The following PADI6 variants were observed in gnomAD, a reference collection of about 807,000 sequenced individuals.
PADI6 encodes peptidyl arginine deiminase 6, also known as inactive protein-arginine deiminase type-6.
In PADI6, 66 loss-of-function variants were observed where a neutral mutation model predicts 78.2. The observed-to-expected ratio is 0.84, with a 90% CI of 0.69 to 1.04. The LOEUF (loss-of-function observed/expected upper bound fraction) is 1.04, where lower values mean the gene tolerates loss of function less well. PADI6 is among the 50% of genes least tolerant of loss of function. The pLI is 0.00. For synonymous variants in PADI6, 397 were observed against 346.9 expected, an observed-to-expected ratio of 1.14 and a Z score of -1.60; for missense variants, 854 against 866.1, an observed-to-expected ratio of 0.99 and a Z score of 0.18.
intron 8 of PADI6, among the ~76,000 whole-genome samples, chr1:17,390,602 CAA>C (rs11410245): frequency 8.1e-5 from 11 of 135,036 alleles, no homozygotes; most frequent in Non-Finnish European, 1.6e-4. Context: ...GATTCCATCT[CAA>C]AAAAAAAAAA....
At chr1:17,398,231 TAGC>T (rs1180350363) in intron 14 of PADI6, among the ~76,000 whole-genome samples, 1 of 152,198 alleles carries the variant, frequency 6.6e-6, no homozygotes, top group Non-Finnish European at 1.5e-5. Flanking sequence ...CCCCCTGGCA[TAGC>T]AGGGTGGGTG....
intron 8 of PADI6, among the ~76,000 whole-genome samples, chr1:17,390,322 G>A (rs1233557951): frequency 6.6e-6 from 1 of 150,750 alleles, no homozygotes; most frequent in Non-Finnish European, 1.5e-5. Flanking sequence ...TAAAATTGCT[G>A]GGTGTGGTGG....
At chr1:17,375,742 C>T (rs2075009776) in intron 3 of PADI6, among the ~76,000 whole-genome samples, 2 of 152,188 alleles carry the variant, frequency 1.3e-5, no homozygotes, top group Non-Finnish European at 2.9e-5. Flanking sequence ...AGAATAGAAA[C>T]AGCCAGAACT....
intron 3 of PADI6, among the ~76,000 whole-genome samples, chr1:17,378,957 G>A (rs796393156): frequency 2.0e-4 from 27 of 135,738 alleles, no homozygotes; most frequent in Admixed American, 1.6e-3. Flanking sequence ...ATTTTTTTTG[G>A]GGGGGGGGAC....
intron 3 of PADI6, among the ~76,000 whole-genome samples, chr1:17,375,901 A>G (rs1311830376): frequency 6.6e-6 from 1 of 152,098 alleles, no homozygotes; most frequent in Non-Finnish European, 1.5e-5. Context: ...ATTCTTACCA[A>G]TGTAAGAAGC....
chr1:17,390,059 GA>G (rs531846125), intron 8 of PADI6, among the ~76,000 whole-genome samples: 243 of 152,336 alleles, frequency 1.6e-3, no homozygotes, highest in African/African-American at 5.6e-3. Context: ...AGCACTTTGG[GA>G]GGCCGAGGCA....
chr1:17,372,739 G>T (rs1204871), intron 1 of PADI6, among the ~76,000 whole-genome samples: 3 of 151,970 alleles, frequency 2.0e-5, no homozygotes, highest in Admixed American at 2.0e-4. Context: ...TTCCTGAGTC[G>T]CTTGCCCTGA....
chr1:17,388,990 A>C, intron 8 of PADI6, 110 bp downstream of exon 8: 2 of 799,080 alleles, frequency 2.5e-6, no homozygotes, highest in Non-Finnish European at 4.0e-6. Flanking sequence ...TCACCAGGAG[A>C]GTTGAAACCC....
intron 9 of PADI6, among the ~76,000 whole-genome samples, chr1:17,392,565 A>G (rs10458538): frequency 0.083 from 12,616 of 152,252 alleles, 730 homozygotes; most frequent in East Asian, 0.27. Context: ...CTGGCACAGC[A>G]CCAAGTCTAG....
At chr1:17,379,363 C>T (rs895681363) in intron 3 of PADI6, among the ~76,000 whole-genome samples, 1 of 144,158 alleles carries the variant, frequency 6.9e-6, no homozygotes, top group Non-Finnish European at 1.5e-5. Context: ...ATCCGCCCGC[C>T]TCGGCCTCCC....
Position 17,396,095 on chromosome 1 carries a change from G to A in PADI6, c.1618+432G>A, listed in dbSNP as rs2100323536. On this transcript the variant is annotated intron_variant, in intron 13 of 15. Coordinates refer to ENST00000619609, the MANE Select transcript of PADI6 (RefSeq NM_207421.4). ...CCATTGCACTTCTGATCTAAAGGCT[G>A]TGGGAGTGGGCTGGGCATGGTGGCT... 3.9e-5 allele frequency among the ~76,000 whole-genome samples: 6 copies of A among 152,206 alleles called. 1 individual carries two copies. In the South Asian group the frequency reaches 1.2e-3, roughly 32 times the overall value.
intron 13 of PADI6, 126 bp downstream of exon 13, chr1:17,395,789 G>C (rs955851838): frequency 7.8e-7 from 1 of 1,285,080 alleles, no homozygotes; most frequent in African/African-American, 1.5e-5. Flanking sequence ...TGTTGGAATT[G>C]CCATATTAGA....
chr1:17,379,685 GT>G (rs1317293606), intron 3 of PADI6, among the ~76,000 whole-genome samples: 1 of 152,206 alleles, frequency 6.6e-6, no homozygotes, highest in African/African-American at 2.4e-5. Context: ...TGATGGGCTT[GT>G]TTTGTGAGTT....
chr1:17,394,490 A>AAG (rs1553154031), intron 11 of PADI6, 36 bp downstream of exon 11: 1 of 1,603,092 alleles, frequency 6.2e-7, no homozygotes. Flanking sequence ...AAATGAAAGG[A>AAG]AGGGACCATG....
At chr1:17,401,046 C>G (rs2075296633) in intron 15 of PADI6, among the ~76,000 whole-genome samples, 159 bp from the exon 16 acceptor site, 1 of 152,208 alleles carries the variant, frequency 6.6e-6, no homozygotes, top group South Asian at 2.1e-4. Context: ...TGAGAAACAG[C>G]CATTGTAGGG....
rs926106317 is a variant in PADI6, at chr1:17,387,214, C to G, written c.680-1167C>G. On this transcript the variant is annotated intron_variant, in intron 6 of 15. Coordinates refer to ENST00000619609, the MANE Select transcript of PADI6 (RefSeq NM_207421.4). The stretch of plus-strand genomic sequence containing the variant: ...ATCCTAGCACTTTGGGAGGCTGAGG[C>G]AGATGGATTGCCTGAGCTCAGGAGT... 4.6e-5 allele frequency among the ~76,000 whole-genome samples: 7 copies of G among 151,650 alleles called. No individual in the cohort carries two copies. The East Asian group carries it at 1.4e-3, about 30-fold the overall frequency.
In PADI6 at chr1:17,381,302, AC is replaced by A; in HGVS notation, c.553+140del. ...CAGTCCCCATGCCTGGGCTGATCAA[AC>A]CTTTTGTCCTGAGTTGTAGATGTAT... On this transcript the variant is annotated intron_variant, in intron 5 of 15. Transcript: ENST00000619609. 2.9e-6 allele frequency: 2 copies of A among 697,096 alleles called. 1 individual carries two copies. The allele number at this position is 697,096 out of a possible 1,614,324, so 43.2% of individuals were successfully genotyped here. A position where few individuals can be genotyped will look rare whatever the true frequency, so the allele number is the denominator to read the frequency against.
intron 13 of PADI6, 30 bp downstream of exon 13, chr1:17,395,693 A>G: frequency 1.3e-6 from 2 of 1,584,820 alleles, no homozygotes; most frequent in Non-Finnish European, 1.7e-6. Flanking sequence ...ACAGAACAGA[A>G]CTGGGGTCTT....
rs527959992 is a variant in PADI6 at position 17,376,634 on chromosome 1, G to A, written c.367+1135G>A. 8.6e-5 allele frequency among the ~76,000 whole-genome samples: 13 copies of A among 151,590 alleles called. No individual in the cohort carries two copies. In the East Asian group the frequency reaches 2.2e-3, roughly 25 times the overall value. ...AGGCTGGTCTCAATCTCCTGACCTC[G>A]TGATCCGCCCACCTCAGCCTCCCAG... On this transcript the variant is annotated intron_variant, in intron 3 of 15. Coordinates refer to ENST00000619609, the MANE Select transcript of PADI6 (RefSeq NM_207421.4).
Sources: allele counts gnomAD v4.1 joint callset (sites outside exome capture counted in the v4.1 genomes callset), GRCh38; gene constraint gnomAD v4.1.1; transcripts MANE v1.5; gene names NCBI Gene and HGNC (gene_info 2026-07-23, HGNC 2026-07-21).